TYW1: variants seen among roughly 807,000 people sequenced by gnomAD.
The protein encoded by TYW1 is tRNA-yW synthesizing protein 1 homolog.
Under a neutral mutation model 96.2 loss-of-function variants are expected in TYW1, and 46 were observed. That is an observed-to-expected ratio of 0.48 (90% CI 0.38 to 0.61). TYW1 has a LOEUF of 0.61. Ranked by LOEUF, TYW1 falls within the 20% of genes least tolerant of loss-of-function variation. TYW1 has a pLI of 0.00. For missense variants in TYW1, 684 were observed against 909.6 expected (o/e 0.75, Z 3.19); for synonymous variants, 274 against 323.0 (o/e 0.85, Z 1.63).
intron 10 of TYW1, among the ~76,000 whole-genome samples, chr7:67,072,660 TC>T (rs1174587408): frequency 6.6e-6 from 1 of 152,236 alleles, no homozygotes; most frequent in Non-Finnish European, 1.5e-5. Context: ...ATAATCATAT[TC>T]CATTTACCTA....
At chr7:67,224,261 G>A (rs1256878053) in intron 15 of TYW1, among the ~76,000 whole-genome samples, 5 of 152,308 alleles carry the variant, frequency 3.3e-5, no homozygotes, top group Middle Eastern at 3.4e-3. Flanking sequence ...CCAAGTAGCC[G>A]AGATTACAGG....
intron 15 of TYW1, among the ~76,000 whole-genome samples, chr7:67,226,066 A>G (rs1294998407): frequency 6.6e-6 from 1 of 152,018 alleles, no homozygotes; most frequent in African/African-American, 2.4e-5. Context: ...TACCACTGTA[A>G]TGAAACCACC....
At chr7:67,222,172 G>A (rs1006487310) in intron 15 of TYW1, among the ~76,000 whole-genome samples, 24 of 151,882 alleles carry the variant, frequency 1.6e-4, no homozygotes, top group African/African-American at 4.6e-4. Context: ...ACTCCAGTCT[G>A]GGCAACAGAG....
chr7:67,234,348 TAAAAA>T (rs57100190), intron 15 of TYW1, among the ~76,000 whole-genome samples: 1 of 93,342 alleles, frequency 1.1e-5, no homozygotes, highest in African/African-American at 4.7e-5. Flanking sequence ...ACCTATCTCT[TAAAAA>T]AAAAAAAAAA....
chr7:67,147,601 A>G (rs981975924), intron 13 of TYW1, among the ~76,000 whole-genome samples: 2 of 151,924 alleles, frequency 1.3e-5, no homozygotes, highest in South Asian at 2.1e-4. Flanking sequence ...GATAGGCCCC[A>G]GTGTGTGTTG....
chr7:67,112,290 A>C (rs553830240), intron 12 of TYW1, among the ~76,000 whole-genome samples: 1 of 152,078 alleles, frequency 6.6e-6, no homozygotes, highest in Non-Finnish European at 1.5e-5. Context: ...ACATGTAATT[A>C]GTTCTACAAT....
Position 67,165,539 on chromosome 7 carries a change from C to T in TYW1, c.1699-17587C>T, listed in dbSNP as rs377604839. On this transcript the variant is annotated intron_variant, in intron 13 of 15. Coordinates refer to ENST00000359626, the MANE Select transcript of TYW1 (RefSeq NM_018264.4). The stretch of plus-strand genomic sequence containing the variant: ...TACAGTTCTGATTTTCTCTATCTTC[C>T]CAGTTTTGGCAGTAGGGAAGGCATT... Among the ~76,000 whole-genome samples, 8 of 151,734 alleles carry T rather than the reference C, an allele frequency of 5.3e-5. No individual in the cohort carries two copies. The East Asian group carries it at 9.6e-4, about 18-fold the overall frequency.
In TYW1 at chr7:67,148,586, C is replaced by T. The variant is rs376161523; in HGVS notation, c.1698+30968C>T. ...GACTACAGGCGCCTGCCACCACGCCCGGCTAATTTTTTATATATATATTTT... is the reference window on the plus strand; with the variant it reads ...GACTACAGGCGCCTGCCACCACGCCTGGCTAATTTTTTATATATATATTTT... On this transcript the variant is annotated intron_variant, in intron 13 of 15. Transcript: ENST00000359626. Among the ~76,000 whole-genome samples, 290 of 151,956 alleles carry T rather than the reference C, an allele frequency of 1.9e-3. 1 individual carries two copies. Among genetic ancestry groups the T allele is most frequent in the African/African-American group, 6.7e-3 (276 of 41,438 alleles).
At chr7:67,074,585 C>T (rs762675042) in intron 10 of TYW1, among the ~76,000 whole-genome samples, 3 of 152,010 alleles carry the variant, frequency 2.0e-5, no homozygotes, top group Non-Finnish European at 2.9e-5. Flanking sequence ...GACTAATATA[C>T]GAGGTTTTAA....
chr7:67,109,166 C>G (rs1043189686), intron 12 of TYW1, among the ~76,000 whole-genome samples: 1 of 145,544 alleles, frequency 6.9e-6, no homozygotes, highest in Non-Finnish European at 1.5e-5. Flanking sequence ...CCCAGCTACT[C>G]GGGAGGCTGA....
chr7:67,057,388 G>A (rs1321581250), intron 9 of TYW1, among the ~76,000 whole-genome samples: 2 of 147,414 alleles, frequency 1.4e-5, no homozygotes, highest in South Asian at 2.1e-4. Flanking sequence ...TTTTTTTTTC[G>A]AGACAGAGTC....
intron 14 of TYW1, among the ~76,000 whole-genome samples, chr7:67,189,386 ATGTGTGTGT>A (rs1446223214): frequency 7.0e-6 from 1 of 142,368 alleles, no homozygotes; most frequent in Non-Finnish European, 1.5e-5. Flanking sequence ...ATGTGTGTTC[ATGTGTGTGT>A]TGTGTGCGTG....
In TYW1 at chr7:67,237,272, C is replaced by T. The variant is rs1424351955; in HGVS notation, c.1978-1036C>T. On this transcript the variant is annotated intron_variant, in intron 15 of 15. Transcript: ENST00000359626. The stretch of plus-strand genomic sequence containing the variant: ...TCCCAGCACTTTGGGAGGCCAAGGC[C>T]GGTGGATCACGAGGTTAGGAGATCG... 3.8e-5 allele frequency among the ~76,000 whole-genome samples: 4 copies of T among 105,598 alleles called. No individual in the cohort carries two copies. In the South Asian group the frequency reaches 9.0e-4, roughly 24 times the overall value. The allele number at this position is 105,598 out of a possible 152,430, so 69.3% of individuals were successfully genotyped here.
rs61078524 is a variant in TYW1 at position 67,115,240 on chromosome 7, C to CTT, written c.1563-2225_1563-2224dup. Among the ~76,000 whole-genome samples the CTT allele has an allele frequency of 1.4e-3, 184 of 134,890 alleles. 1 individual carries two copies. Among genetic ancestry groups the CTT allele is most frequent in the African/African-American group, 4.0e-3 (151 of 37,440 alleles). 88.5% of individuals were successfully genotyped at this position (134,890 alleles called of 152,430 possible). ...GCCAGCAGTAACCATTAAGACAGTCCTTTTTTTTTTTTTTTTTTTAAATAG... is the reference window on the plus strand; with the variant it reads ...GCCAGCAGTAACCATTAAGACAGTCCTTTTTTTTTTTTTTTTTTTTTAAATAG... On this transcript the variant is annotated intron_variant, in intron 12 of 15. Transcript: ENST00000359626.
chr7:67,209,551 C>T (rs909150364), intron 15 of TYW1, among the ~76,000 whole-genome samples: 7 of 152,034 alleles, frequency 4.6e-5, no homozygotes, highest in African/African-American at 1.4e-4. Context: ...TTCAAAACTT[C>T]ATTCTTCCTG....
intron 7 of TYW1, among the ~76,000 whole-genome samples, chr7:67,047,646 T>A (rs1191206501): frequency 6.6e-6 from 1 of 151,802 alleles, no homozygotes; most frequent in Non-Finnish European, 1.5e-5. Flanking sequence ...TGCGACTTTT[T>A]TTTTTTTTTC....
intron 3 of TYW1, among the ~76,000 whole-genome samples, chr7:67,008,585 T>G (rs7783821): frequency 5.4e-4 from 82 of 152,344 alleles, no homozygotes; most frequent in African/African-American, 1.9e-3. Flanking sequence ...CTGTGAACTC[T>G]TCCCTAGGAC....
chr7:67,095,298 C>T (rs931705971), intron 11 of TYW1, among the ~76,000 whole-genome samples: 3 of 152,008 alleles, frequency 2.0e-5, no homozygotes, highest in African/African-American at 7.3e-5. Flanking sequence ...CGTGCCCAAC[C>T]GAACTGCATG....
At chr7:67,059,198 C>A (rs567021051) in intron 9 of TYW1, among the ~76,000 whole-genome samples, 1 of 148,856 alleles carries the variant, frequency 6.7e-6, no homozygotes, top group African/African-American at 2.5e-5. Context: ...CTCCCAGGTT[C>A]ACACCATTCT....
Sources: allele counts gnomAD v4.1 joint callset (sites outside exome capture counted in the v4.1 genomes callset), GRCh38; gene constraint gnomAD v4.1.1; transcripts MANE v1.5; gene names NCBI Gene and HGNC (gene_info 2026-07-23, HGNC 2026-07-21).